SNX9: variants seen among roughly 807,000 people sequenced by gnomAD.
The protein encoded by SNX9 is sorting nexin 9.
Under a neutral mutation model 89.4 loss-of-function variants are expected in SNX9, and 44 were observed. The observed-to-expected ratio is 0.49, with a 90% CI of 0.39 to 0.63. The LOEUF is 0.63. Among genes scored for constraint, SNX9 ranks in the 30% least tolerant of loss-of-function variants. The pLI, the probability that SNX9 is intolerant of heterozygous loss-of-function variation, is 0.00. For missense variants in SNX9, 578 were observed against 736.1 expected (o/e 0.79, Z 2.49); for synonymous variants, 236 against 247.8 (o/e 0.95, Z 0.45).
chr6:157,838,071 A>G (rs1194084681), intron 1 of SNX9, among the ~76,000 whole-genome samples: 1 of 151,858 alleles, frequency 6.6e-6, no homozygotes, highest in Non-Finnish European at 1.5e-5. Flanking sequence ...CCCAGGCTGG[A>G]GTACAGTAGC....
At chr6:157,842,688 C>A (rs187491656) in intron 1 of SNX9, among the ~76,000 whole-genome samples, 27 of 152,236 alleles carry the variant, frequency 1.8e-4, no homozygotes, top group African/African-American at 6.3e-4. Flanking sequence ...GTCTTCTGTT[C>A]CTGGGTTGGA....
chr6:157,913,813 T>C (rs1783402677), intron 9 of SNX9, among the ~76,000 whole-genome samples: 1 of 152,250 alleles, frequency 6.6e-6, no homozygotes, highest in Non-Finnish European at 1.5e-5. Flanking sequence ...TTCAATCATT[T>C]TGTTGTGTCA....
intron 14 of SNX9, 140 bp downstream of exon 14, chr6:157,936,180 T>C (rs111515039): frequency 8.3e-5 from 52 of 623,668 alleles, no homozygotes; most frequent in Middle Eastern, 7.3e-4. Flanking sequence ...TTAATTGTGT[T>C]TAATCATGGT....
At chr6:157,837,931 G>A (rs769319570) in intron 1 of SNX9, among the ~76,000 whole-genome samples, 1 of 152,188 alleles carries the variant, frequency 6.6e-6, no homozygotes, top group Non-Finnish European at 1.5e-5. Flanking sequence ...TGTAATTGTT[G>A]GCTGTGGTTA....
At chr6:157,911,425 A>T (rs559102392) in intron 9 of SNX9, among the ~76,000 whole-genome samples, 1 of 152,338 alleles carries the variant, frequency 6.6e-6, no homozygotes, top group South Asian at 2.1e-4. Flanking sequence ...AGTCGAGAGA[A>T]ACAGTTCAGG....
At chr6:157,903,396 T>C (rs939356483) in intron 6 of SNX9, among the ~76,000 whole-genome samples, 3 of 152,206 alleles carry the variant, frequency 2.0e-5, no homozygotes, top group Non-Finnish European at 2.9e-5. Flanking sequence ...CTGCACACTT[T>C]TGCTGCCTCT....
intron 9 of SNX9, among the ~76,000 whole-genome samples, chr6:157,912,144 C>G (rs1350340391): frequency 1.3e-5 from 2 of 152,228 alleles, no homozygotes; most frequent in African/African-American, 4.8e-5. Context: ...TCACAGTTTT[C>G]TCTTAAAAAA....
At chr6:157,899,442 C>A (rs722349) in intron 5 of SNX9, among the ~76,000 whole-genome samples, 3 of 152,134 alleles carry the variant, frequency 2.0e-5, no homozygotes, top group Admixed American at 6.5e-5. Flanking sequence ...ACTTAACATT[C>A]TTACAGTCTG....
chr6:157,866,624 T>C (rs1782268012), intron 1 of SNX9, among the ~76,000 whole-genome samples: 1 of 152,162 alleles, frequency 6.6e-6, no homozygotes, highest in Non-Finnish European at 1.5e-5. Flanking sequence ...TTTAAAATCA[T>C]GGCTGTTTAG....
At chr6:157,900,960 G>A (rs1160831505) in intron 5 of SNX9, among the ~76,000 whole-genome samples, 1 of 152,160 alleles carries the variant, frequency 6.6e-6, no homozygotes, top group Non-Finnish European at 1.5e-5. Context: ...AGATGAGGGC[G>A]TTTATAGCCC....
intron 9 of SNX9, among the ~76,000 whole-genome samples, chr6:157,919,027 T>TA (rs1370047600): frequency 2.6e-5 from 4 of 152,198 alleles, no homozygotes; most frequent in African/African-American, 9.7e-5. Flanking sequence ...TAGAATCTTT[T>TA]ACATTAATCC....
chr6:157,850,506 A>T (rs545462573), intron 1 of SNX9, among the ~76,000 whole-genome samples: 2 of 152,182 alleles, frequency 1.3e-5, no homozygotes, highest in Non-Finnish European at 1.5e-5. Context: ...TGGGAGGAGT[A>T]ACCAACAGTC....
In SNX9 at chr6:157,906,053, G is replaced by A. The variant is rs554075498; in HGVS notation, c.621-75G>A. The stretch of plus-strand genomic sequence containing the variant: ...GACAGGACAAGGTTAAAACTGGTAA[G>A]TAAATGTAGACGAGAGTTGTAAAAT... On this transcript the variant is annotated intron_variant, in intron 6 of 17. Coordinates refer to ENST00000392185, the MANE Select transcript of SNX9 (RefSeq NM_016224.5). The A allele has an allele frequency of 8.7e-6, 11 of 1,271,222 alleles. No homozygotes were observed. The Admixed American group carries it at 1.9e-4, about 22-fold the overall frequency. The allele number at this position is 1,271,222 out of a possible 1,614,324, so 78.7% of individuals were successfully genotyped here. A position where few individuals can be genotyped will look rare whatever the true frequency, so the allele number is the denominator to read the frequency against.
At chr6:157,882,512 G>T (rs1424774430) in intron 4 of SNX9, among the ~76,000 whole-genome samples, 1 of 152,186 alleles carries the variant, frequency 6.6e-6, no homozygotes, top group Non-Finnish European at 1.5e-5. Context: ...TCCTCTGATG[G>T]ATCTGGGCAA....
At chr6:157,916,622 A>G (rs1783477885) in intron 9 of SNX9, among the ~76,000 whole-genome samples, 1 of 152,088 alleles carries the variant, frequency 6.6e-6, no homozygotes, top group Non-Finnish European at 1.5e-5. Flanking sequence ...AGGTTGTTGA[A>G]AGTTTTTGTT....
At chr6:157,875,341 A>G in intron 4 of SNX9, 165 bp downstream of exon 4, 1 of 958,908 alleles carries the variant, frequency 1.0e-6, no homozygotes, top group South Asian at 2.4e-5. Flanking sequence ...CAAAGAAATC[A>G]CCTGTTAAGC....
chr6:157,925,662 T>G (rs1489573900), intron 10 of SNX9, among the ~76,000 whole-genome samples: 3 of 152,080 alleles, frequency 2.0e-5, no homozygotes, highest in Non-Finnish European at 2.9e-5. Context: ...AGATTTTGAC[T>G]GTAGTTCCTA....
intron 1 of SNX9, among the ~76,000 whole-genome samples, chr6:157,865,903 G>A (rs895975800): frequency 6.6e-6 from 1 of 151,494 alleles, no homozygotes; most frequent in Non-Finnish European, 1.5e-5. Context: ...ACTTGCATTA[G>A]CCCTGTTAGA....
intron 1 of SNX9, among the ~76,000 whole-genome samples, chr6:157,853,480 A>T (rs1244089440): frequency 6.6e-6 from 1 of 152,088 alleles, no homozygotes; most frequent in Non-Finnish European, 1.5e-5. Flanking sequence ...TCTGTAGGTT[A>T]TAGTTTTCAC....
Sources: allele counts gnomAD v4.1 joint callset (sites outside exome capture counted in the v4.1 genomes callset), GRCh38; gene constraint gnomAD v4.1.1; transcripts MANE v1.5; gene names NCBI Gene and HGNC (gene_info 2026-07-23, HGNC 2026-07-21).